The following PDE10A variants were observed in gnomAD, a reference collection of about 807,000 sequenced individuals.
The protein encoded by PDE10A is phosphodiesterase 10A, also known as cAMP and cAMP-inhibited cGMP 3',5'-cyclic phosphodiesterase 10A.
In PDE10A, 39 loss-of-function variants were observed where a neutral mutation model predicts 97.7. The observed-to-expected ratio is 0.40, with a 90% CI of 0.31 to 0.52. PDE10A has a LOEUF of 0.52. Among genes scored for constraint, PDE10A ranks in the 20% least tolerant of loss-of-function variants. The pLI is 0.56. For synonymous variants in PDE10A, 371 were observed against 376.8 expected (o/e 0.98, Z 0.18); for missense variants, 731 against 1,047.8 (o/e 0.70, Z 4.17).
rs1255026195 is a variant in PDE10A, at chr6:165,717,566, A to G, written c.-614-173998T>C. ...GCCACTGCATTCCAGCCTGGGCTACAGAGAGAGACTCCGTCTCAAAAAAAA... is the reference window on the plus strand; with the variant it reads ...GCCACTGCATTCCAGCCTGGGCTACGGAGAGAGACTCCGTCTCAAAAAAAA... On this transcript the variant is annotated intron_variant, in intron 1 of 19. Coordinates refer to the PDE10A transcript ENST00000366882. 3.4e-5 allele frequency among the ~76,000 whole-genome samples: 5 copies of G among 145,414 alleles called. No individual in the cohort carries two copies. In the East Asian group the frequency reaches 1.0e-3, roughly 29 times the overall value.
chr6:165,400,884 G>T (rs1235095766), intron 13 of PDE10A, among the ~76,000 whole-genome samples: 1 of 152,082 alleles, frequency 6.6e-6, no homozygotes, highest in African/African-American at 2.4e-5. Context: ...GTAATAAAGA[G>T]GAATTAACTG....
At chr6:165,434,691 G>A (rs535989257) in intron 6 of PDE10A, among the ~76,000 whole-genome samples, 1 of 152,290 alleles carries the variant, frequency 6.6e-6, no homozygotes, top group East Asian at 1.9e-4. Context: ...AACACACCAG[G>A]ATAGCCTTAC....
intron 13 of PDE10A, among the ~76,000 whole-genome samples, chr6:165,402,709 A>G (rs932354413): frequency 6.6e-6 from 1 of 152,184 alleles, no homozygotes; most frequent in Admixed American, 6.5e-5. Flanking sequence ...AACGATAAAG[A>G]CAACCTGGAA....
At chr6:165,657,795 C>A (rs886790279) in intron 1 of PDE10A, among the ~76,000 whole-genome samples, 2 of 152,214 alleles carry the variant, frequency 1.3e-5, no homozygotes, top group Admixed American at 1.3e-4. Context: ...TTAAACAGCT[C>A]TGCCCTTTGG....
intron 1 of PDE10A, among the ~76,000 whole-genome samples, chr6:165,602,042 C>T (rs527601739): frequency 4.3e-4 from 66 of 152,306 alleles, no homozygotes; most frequent in African/African-American, 1.5e-3. Context: ...GTCCTTGGGT[C>T]AGTCTTTTCA....
chr6:165,716,307 C>T (rs1191329530), intron 1 of PDE10A, among the ~76,000 whole-genome samples: 3 of 152,322 alleles, frequency 2.0e-5, no homozygotes, highest in East Asian at 3.9e-4. Flanking sequence ...TTCTCTAACT[C>T]GCCCATGCAT....
chr6:165,361,464 C>T (rs979143654), intron 18 of PDE10A, among the ~76,000 whole-genome samples: 17 of 152,054 alleles, frequency 1.1e-4, no homozygotes, highest in African/African-American at 4.1e-4. Flanking sequence ...AAATTGTGTC[C>T]CTCAAAGAGA....
intron 1 of PDE10A, among the ~76,000 whole-genome samples, chr6:165,575,218 G>C (rs907287757): frequency 6.6e-6 from 1 of 152,110 alleles, no homozygotes; most frequent in African/African-American, 2.4e-5. Flanking sequence ...CCAATCATTC[G>C]AGTTTTGTGA....
At chr6:165,890,759 G>T (rs1433990077) in intron 1 of PDE10A, among the ~76,000 whole-genome samples, 3 of 152,276 alleles carry the variant, frequency 2.0e-5, no homozygotes, top group African/African-American at 7.2e-5. Context: ...GCCATATAAG[G>T]CCATTAGGTC....
intron 19 of PDE10A, among the ~76,000 whole-genome samples, chr6:165,340,736 G>A (rs1240853468): frequency 1.3e-5 from 2 of 152,234 alleles, no homozygotes; most frequent in African/African-American, 4.8e-5. Context: ...GCAGGAGCAT[G>A]CTCCAGGCAG....
chr6:165,962,315 T>C (rs1323389327), intron 1 of PDE10A, among the ~76,000 whole-genome samples: 2 of 152,156 alleles, frequency 1.3e-5, no homozygotes. Context: ...TGGTGACCAG[T>C]GGGTGGGAAT....
chr6:165,980,330 T>G lies in PDE10A; in HGVS notation c.-615+7199A>C, dbSNP rs572370684. ...ATTTCTTTGACTCAACTTCCATATC[T>G]AGGAATTTACCAACATATACATGTA... On this transcript the variant is annotated intron_variant, in intron 1 of 19. Transcript: ENST00000366882. 9.8e-5 allele frequency among the ~76,000 whole-genome samples: 15 copies of G among 152,326 alleles called. No individual in the cohort carries two copies. The East Asian group carries it at 1.9e-3, about 20-fold the overall frequency.
In PDE10A at chr6:165,388,253, A is replaced by G; in HGVS notation, c.2610+45T>C. The G allele has an allele frequency of 6.3e-7, 1 of 1,591,936 alleles. No homozygotes were observed. The highest frequency in any genetic ancestry group is 8.6e-7 in the Non-Finnish European group (1 of 1,160,994). On this transcript the variant is annotated intron_variant, in intron 17 of 21. Transcript: ENST00000539869. The surrounding 1 kb of genome is among the most constrained non-coding windows in gnomAD (Gnocchi z 4.0). The stretch of plus-strand genomic sequence containing the variant: ...CACCTATGAAGTATCCCTATCTCCC[A>G]GACAGCCCTTCAGACTAAGCGAGAG...
chr6:165,685,783 G>T (rs966724741), intron 1 of PDE10A, among the ~76,000 whole-genome samples: 2 of 152,152 alleles, frequency 1.3e-5, no homozygotes, highest in African/African-American at 4.8e-5. Flanking sequence ...CTGGAGGGAG[G>T]AATGTTTTCA....
chr6:165,689,722 A>G (rs1791219945), intron 1 of PDE10A, among the ~76,000 whole-genome samples: 1 of 152,170 alleles, frequency 6.6e-6, no homozygotes, highest in Non-Finnish European at 1.5e-5. Flanking sequence ...GGCTTCTTGT[A>G]CAGCCTCCAG....
chr6:165,686,423 C>T (rs1172808428), intron 1 of PDE10A, among the ~76,000 whole-genome samples: 1 of 152,196 alleles, frequency 6.6e-6, no homozygotes, highest in Non-Finnish European at 1.5e-5. Context: ...TTGGATGTCT[C>T]TTTTACTTTC....
intron 1 of PDE10A, among the ~76,000 whole-genome samples, chr6:165,930,289 T>A (rs1208987943): frequency 6.6e-6 from 1 of 152,178 alleles, no homozygotes; most frequent in Non-Finnish European, 1.5e-5. Flanking sequence ...CCTTTTCACC[T>A]CCATGGAGCT....
chr6:165,651,033 G>C (rs567065703), intron 1 of PDE10A, among the ~76,000 whole-genome samples: 1 of 152,316 alleles, frequency 6.6e-6, no homozygotes, highest in East Asian at 1.9e-4. Context: ...ACCACGCCCA[G>C]CCAACATGCA....
At chr6:165,968,925 G>A (rs193228457) in intron 1 of PDE10A, among the ~76,000 whole-genome samples, 1 of 152,160 alleles carries the variant, frequency 6.6e-6, no homozygotes, top group African/African-American at 2.4e-5. Context: ...GTTGAATGCA[G>A]CTCTCTGTTG....
Sources: gnomAD v4.1 joint callset for allele counts (sites outside exome capture counted in the v4.1 genomes callset) on GRCh38, gnomAD v4.1.1 for gene constraint, Gnocchi (gnomAD v3.1) non-coding constraint, MANE v1.5 for transcripts, NCBI Gene and HGNC (gene_info 2026-07-23, HGNC 2026-07-21) for gene names.